Variants in CRIM1 observed in about 807,000 individuals in gnomAD.
CRIM1 encodes cysteine-rich motor neuron 1 protein.
CRIM1 carries 32 observed loss-of-function variants against 116.4 expected under a neutral mutation model. The observed-to-expected ratio is 0.27, with a 90% CI of 0.21 to 0.37. CRIM1 has a LOEUF of 0.37. Among genes scored for constraint, CRIM1 ranks in the 10% least tolerant of loss-of-function variants. The pLI is 1.00. For synonymous variants in CRIM1, 590 were observed against 509.2 expected (o/e 1.16, Z -2.13); for missense variants, 1,331 against 1,354.8 (o/e 0.98, Z 0.28).
At chr2:36,536,271 C>G (rs993282253) in intron 13 of CRIM1, among the ~76,000 whole-genome samples, 3 of 152,208 alleles carry the variant, frequency 2.0e-5, no homozygotes, top group African/African-American at 7.2e-5. Context: ...TCAATGAATT[C>G]TGACCCTTCA....
chr2:36,415,002 A>C (rs1433687162), intron 2 of CRIM1, among the ~76,000 whole-genome samples: 2 of 152,242 alleles, frequency 1.3e-5, no homozygotes, highest in Non-Finnish European at 2.9e-5. Context: ...GAGTAGAATC[A>C]GAAACATTAT....
At chr2:36,383,693 GGAAA>G (rs1670956111) in intron 1 of CRIM1, among the ~76,000 whole-genome samples, 1 of 152,126 alleles carries the variant, frequency 6.6e-6, no homozygotes, top group Admixed American at 6.5e-5. Context: ...CGGGTGTGCT[GGAAA>G]GAGAGAGGGA....
Position 36,512,302 on chromosome 2 carries a change from G to A in CRIM1, c.1688G>A (p.Arg563His), listed in dbSNP as rs965547947. 13 of 1,613,580 alleles carry A rather than the reference G, an allele frequency of 8.1e-6. No homozygotes were observed. The highest frequency in any genetic ancestry group is 2.2e-5 in the East Asian group (1 of 44,880). The change falls in exon 10 of 17, where the codon CGC becomes CAC. Residue 563 changes from arginine to histidine, a missense_variant. This residue lies in a region of CRIM1 where 358 missense variants were observed against 436.1 expected (regional missense o/e 0.82). Coordinates refer to ENST00000280527, the MANE Select transcript of CRIM1 (RefSeq NM_016441.3). ...AATAAGCACGGCTGTGACATCTGTC[G>A]CTGTAAGAAATGTCCAGAGCTCTCA... The part of the protein sequence containing the change: ...LKNKHGCDIC[R>H]CKKCPELSCS...
intron 1 of CRIM1, among the ~76,000 whole-genome samples, chr2:36,357,777 C>A (rs977720491): frequency 6.6e-6 from 1 of 152,188 alleles, no homozygotes; most frequent in Non-Finnish European, 1.5e-5. Context: ...GACAGGCGCC[C>A]TCTGCCCGGC....
chr2:36,463,182 A>G (rs1677716453), intron 4 of CRIM1, among the ~76,000 whole-genome samples: 1 of 152,192 alleles, frequency 6.6e-6, no homozygotes, highest in Admixed American at 6.5e-5. Context: ...TGGCTTTAAT[A>G]GTCCTTGATG....
intron 1 of CRIM1, among the ~76,000 whole-genome samples, chr2:36,360,562 A>C (rs1395707684): frequency 2.0e-5 from 3 of 152,136 alleles, no homozygotes; most frequent in Non-Finnish European, 4.4e-5. Flanking sequence ...TGGGGTACTT[A>C]CAGCAAAAAA....
Position 36,355,830 on chromosome 2 carries a change from G to C in CRIM1, c.-463G>C, listed in dbSNP as rs1668760673. 6.6e-6 allele frequency: 1 copy of C among 151,576 alleles called. No homozygotes were observed. Among genetic ancestry groups the C allele is most frequent in the Admixed American group, 6.6e-5 (1 of 15,218 alleles). 9.4% of individuals were successfully genotyped at this position (151,576 alleles called of 1,614,324 possible). On this transcript the variant is annotated 5_prime_UTR_variant, in exon 1 of 17. Coordinates refer to ENST00000280527, the MANE Select transcript of CRIM1 (RefSeq NM_016441.3). ...GCGGACGCCGCGGATCTTGTGCTGC[G>C]CCACCGCGCCCACTCGGCAGCTCGG...
intron 7 of CRIM1, among the ~76,000 whole-genome samples, chr2:36,484,942 C>G (rs1463541888): frequency 6.6e-6 from 1 of 152,216 alleles, no homozygotes; most frequent in African/African-American, 2.4e-5. Flanking sequence ...CATGTTCTAT[C>G]TCTAACAGGA....
chr2:36,449,218 G>T (rs554057421), intron 4 of CRIM1, among the ~76,000 whole-genome samples: 19 of 152,238 alleles, frequency 1.2e-4, no homozygotes, highest in African/African-American at 4.1e-4. Context: ...GCTCAACACA[G>T]GAGGCAGGCT....
chr2:36,419,665 T>C (rs1278372774), intron 2 of CRIM1, among the ~76,000 whole-genome samples: 1 of 152,238 alleles, frequency 6.6e-6, no homozygotes, highest in African/African-American at 2.4e-5. Context: ...ATTTCTCTTA[T>C]TTCTGAAGCT....
intron 7 of CRIM1, among the ~76,000 whole-genome samples, chr2:36,491,699 T>A (rs1680239197): frequency 6.6e-6 from 1 of 152,134 alleles, no homozygotes; most frequent in Non-Finnish European, 1.5e-5. Flanking sequence ...TGCAGACCCT[T>A]CCTCCCTGGT....
At chr2:36,435,938 T>C (rs1572723818) in intron 2 of CRIM1, among the ~76,000 whole-genome samples, 1 of 140,156 alleles carries the variant, frequency 7.1e-6, no homozygotes, top group Non-Finnish European at 1.5e-5. Flanking sequence ...TTTTTTTTTT[T>C]AATGTCTGTT....
At chr2:36,441,192 T>G in intron 2 of CRIM1, 66 bp from the exon 3 acceptor site, 1 of 1,600,028 alleles carries the variant, frequency 6.2e-7, no homozygotes, top group Non-Finnish European at 8.5e-7. Flanking sequence ...CAGGACTGTT[T>G]GTTCTTCTGT....
intron 2 of CRIM1, among the ~76,000 whole-genome samples, chr2:36,407,052 T>G (rs1274164552): frequency 6.6e-6 from 1 of 152,128 alleles, no homozygotes; most frequent in Admixed American, 6.5e-5. Context: ...AGGGATCTCA[T>G]TATCATCAAG....
intron 1 of CRIM1, among the ~76,000 whole-genome samples, chr2:36,380,149 G>A (rs554917082): frequency 8.5e-5 from 13 of 152,248 alleles, no homozygotes; most frequent in East Asian, 5.8e-4. Context: ...AAGAGTCTGC[G>A]TTTATCAGTC....
At chr2:36,432,332 A>G (rs531613598) in intron 2 of CRIM1, among the ~76,000 whole-genome samples, 85 of 152,290 alleles carry the variant, frequency 5.6e-4, no homozygotes, top group African/African-American at 1.8e-3. Flanking sequence ...TAAAAAAATA[A>G]ATTCATTGTT....
At chr2:36,509,230 G>A (rs774248005) in intron 8 of CRIM1, among the ~76,000 whole-genome samples, 36 of 152,128 alleles carry the variant, frequency 2.4e-4, no homozygotes, top group Non-Finnish European at 4.1e-4. Context: ...AAAAACATGC[G>A]TTATGGGATG....
At chr2:36,396,816 G>C in intron 2 of CRIM1, 29 bp downstream of exon 2, 1 of 1,579,024 alleles carries the variant, frequency 6.3e-7, no homozygotes, top group Non-Finnish European at 8.7e-7. Context: ...TAACCATCCA[G>C]TCGTAAGCCT....
chr2:36,359,982 A>G (rs1230172759), intron 1 of CRIM1, among the ~76,000 whole-genome samples: 1 of 152,216 alleles, frequency 6.6e-6, no homozygotes, highest in Non-Finnish European at 1.5e-5. Flanking sequence ...CAGAGAAACA[A>G]GTGTGGATCC....
Sources: gnomAD v4.1 joint callset for allele counts (sites outside exome capture counted in the v4.1 genomes callset) on GRCh38, gnomAD v4.1.1 for gene constraint, gnomAD v4.1.1 regional missense constraint, MANE v1.5 for transcripts, NCBI Gene and HGNC (gene_info 2026-07-23, HGNC 2026-07-21) for gene names.